The following DAP3 variants were observed in gnomAD, a reference collection of about 807,000 sequenced individuals.
DAP3 encodes the protein small ribosomal subunit protein mS29.
DAP3 carries 28 observed loss-of-function variants against 51.9 expected under a neutral mutation model. That is an observed-to-expected ratio of 0.54 (90% CI 0.40 to 0.74). The LOEUF (loss-of-function observed/expected upper bound fraction) is 0.74. Among genes scored for constraint, DAP3 ranks in the 30% least tolerant of loss-of-function variants. The pLI is 0.00. For missense variants in DAP3, 458 were observed against 483.5 expected, an observed-to-expected ratio of 0.95 and a Z score of 0.49; for synonymous variants, 170 against 170.3, an observed-to-expected ratio of 1.00 and a Z score of 0.01.
intron 1 of DAP3, among the ~76,000 whole-genome samples, chr1:155,706,701 A>G (rs11264403): frequency 0.08 from 12,143 of 152,082 alleles, 1,669 homozygotes; most frequent in East Asian, 0.65. Context: ...CGGGGAGGCA[A>G]GGTTCCAGTG....
intron 11 of DAP3, among the ~76,000 whole-genome samples, chr1:155,734,870 C>A (rs1389933537): frequency 6.6e-6 from 1 of 152,170 alleles, no homozygotes; most frequent in African/African-American, 2.4e-5. Context: ...CTTTCCATAT[C>A]TGTAACTCTA....
upstream of DAP3, chr1:155,688,439 C>T (rs1021286154): frequency 1.3e-5 from 20 of 1,548,166 alleles, no homozygotes; most frequent in South Asian, 7.2e-5. Flanking sequence ...TCCCCACGGT[C>T]CCCCGCTTCG....
chr1:155,727,468 CAAAA>C (rs201880344), intron 6 of DAP3, 136 bp from the exon 7 acceptor site: 2,815 of 505,058 alleles, frequency 5.6e-3, no homozygotes, highest in East Asian at 8.8e-3. Flanking sequence ...GACCCTGTCT[CAAAA>C]AAAAAAAAAA....
At chr1:155,718,460 G>A (rs768755317) in intron 3 of DAP3, among the ~76,000 whole-genome samples, 11 of 152,078 alleles carry the variant, frequency 7.2e-5, no homozygotes, top group Middle Eastern at 3.4e-3. Context: ...CAAGGCAGGC[G>A]GATCATGAGG....
At chr1:155,703,169 A>ATAT (rs1393522091) in intron 1 of DAP3, among the ~76,000 whole-genome samples, 1 of 152,130 alleles carries the variant, frequency 6.6e-6, no homozygotes, top group East Asian at 1.9e-4. Flanking sequence ...ATTAGCCTGT[A>ATAT]TATTAGTCCA....
At chr1:155,718,995 C>T (rs948620027) in intron 3 of DAP3, among the ~76,000 whole-genome samples, 4 of 152,182 alleles carry the variant, frequency 2.6e-5, no homozygotes, top group Admixed American at 6.5e-5. Context: ...GTCTTTGCTA[C>T]CCCTACATCT....
At chr1:155,693,915 T>C (rs1469856699) in intron 1 of DAP3, among the ~76,000 whole-genome samples, 1 of 140,220 alleles carries the variant, frequency 7.1e-6, no homozygotes, top group Non-Finnish European at 1.5e-5. Flanking sequence ...GAGCTGAGAT[T>C]GCGCCATTGC....
In DAP3 at chr1:155,719,672, C is replaced by T. The variant is rs368200917; in HGVS notation, c.169-1845C>T. On this transcript the variant is annotated intron_variant, in intron 3 of 12. Coordinates refer to ENST00000368336, the MANE Select transcript of DAP3 (RefSeq NM_004632.4). ...CAAGCAGTTCTCTGCCTCAGCCTCC[C>T]GAATAGCTGGGATTACAGGCGCCTG... Among the ~76,000 whole-genome samples the T allele has an allele frequency of 7.4e-4, 113 of 152,144 alleles. 1 individual carries two copies. The East Asian group carries it at 0.019, about 25-fold the overall frequency.
chr1:155,738,972 A>AAAATTAAATAAATAAAT lies in DAP3; in HGVS notation c.*734_*735insTAAATAAATAAATAAAT, dbSNP rs1660053472. On this transcript the variant is annotated 3_prime_UTR_variant, in exon 13 of 13. Coordinates refer to ENST00000368336, the MANE Select transcript of DAP3 (RefSeq NM_004632.4). ...GGGCAGCAGAGCAAGACTCCGTCTC[A>AAAATTAAATAAATAAAT]AAATAAATAAATAAATAAATAAATA... The AAAATTAAATAAATAAAT allele has an allele frequency of 3.5e-5, 5 of 144,504 alleles. No individual in the cohort carries two copies. The South Asian group carries it at 1.1e-3, about 33-fold the overall frequency. The allele number at this position is 144,504 out of a possible 1,614,324, so 9.0% of individuals were successfully genotyped here.
At chr1:155,724,126 A>G (rs1658301095) in intron 4 of DAP3, among the ~76,000 whole-genome samples, 1 of 152,022 alleles carries the variant, frequency 6.6e-6, no homozygotes, top group Non-Finnish European at 1.5e-5. Flanking sequence ...ATATTTTAAT[A>G]TTTTCTTTGC....
At chr1:155,688,550 T>A, upstream of DAP3, 4 of 1,539,904 alleles carry the variant, frequency 2.6e-6, no homozygotes, top group African/African-American at 1.4e-5. Context: ...TCGGCCGTCC[T>A]GCGAGCCAGC....
chr1:155,720,662 A>T (rs893519265), intron 3 of DAP3, among the ~76,000 whole-genome samples: 16 of 152,076 alleles, frequency 1.1e-4, no homozygotes, highest in Admixed American at 4.6e-4. Flanking sequence ...AAAAAAACAA[A>T]ACAAACAAAC....
chr1:155,693,929 C>G (rs939319563), intron 1 of DAP3, among the ~76,000 whole-genome samples: 4 of 140,540 alleles, frequency 2.8e-5, no homozygotes, highest in African/African-American at 1.3e-4. Context: ...CCATTGCACT[C>G]CAGCCTGTGC....
chr1:155,717,243 G>A, intron 3 of DAP3, 115 bp downstream of exon 3: 1 of 1,502,320 alleles, frequency 6.7e-7, no homozygotes. Flanking sequence ...CATTTACTCA[G>A]ATAGTGCACC....
intron 1 of DAP3, among the ~76,000 whole-genome samples, chr1:155,691,009 G>A (rs1317423662): frequency 3.5e-5 from 5 of 142,032 alleles, no homozygotes; most frequent in African/African-American, 9.5e-5. Flanking sequence ...CCGGGTTCGC[G>A]CCATTCTCCT....
intron 1 of DAP3, among the ~76,000 whole-genome samples, chr1:155,691,934 G>T (rs1321795854): frequency 7.1e-6 from 1 of 141,464 alleles, no homozygotes; most frequent in Non-Finnish European, 1.5e-5. Flanking sequence ...GAGCCAGGGG[G>T]CCAGTTGCAA....
At chr1:155,704,962 G>C (rs1180391579) in intron 1 of DAP3, among the ~76,000 whole-genome samples, 2 of 152,144 alleles carry the variant, frequency 1.3e-5, no homozygotes, top group Admixed American at 1.3e-4. Context: ...CTGGGCGACA[G>C]AGCAATATTC....
In DAP3 at chr1:155,721,508, A is replaced by T. The variant is rs1464749814; in HGVS notation, c.169-9A>T. On this transcript the variant is annotated splice_polypyrimidine_tract_variant and intron_variant, in intron 3 of 12. Transcript: ENST00000368336. ...CACCATTATACCTGTTTGCACTCTT[A>T]TTTCCTAGGCCAAGCATGGGGATCA... 6.2e-7 allele frequency: 1 copy of T among 1,613,518 alleles called. No homozygotes were observed. The highest frequency in any genetic ancestry group is 8.5e-7 in the Non-Finnish European group (1 of 1,179,886).
At chr1:155,724,390 C>A (rs181197574) in intron 4 of DAP3, among the ~76,000 whole-genome samples, 1 of 151,674 alleles carries the variant, frequency 6.6e-6, no homozygotes, top group Non-Finnish European at 1.5e-5. Flanking sequence ...AATCCCAGCA[C>A]CTTGGGAGGC....
Sources: gnomAD v4.1 joint callset for allele counts (sites outside exome capture counted in the v4.1 genomes callset) on GRCh38, gnomAD v4.1.1 for gene constraint, MANE v1.5 for transcripts, NCBI Gene and HGNC (gene_info 2026-07-23, HGNC 2026-07-21) for gene names.